The following CSMD3 variants were observed in gnomAD, a reference collection of about 807,000 sequenced individuals.
The protein encoded by CSMD3 is CUB and sushi domain-containing protein 3.
A neutral mutation model predicts 435.2 loss-of-function variants in CSMD3; 177 were observed. The ratio of observed to expected loss-of-function variants is 0.41; its 90% CI spans 0.36 to 0.46. The LOEUF (loss-of-function observed/expected upper bound fraction) is 0.46. CSMD3 is among the 20% of genes least tolerant of loss of function. The pLI is 0.34. For missense variants in CSMD3, 4,265 were observed against 4,504.6 expected (o/e 0.95, Z 1.52); for synonymous variants, 1,656 against 1,520.5 (o/e 1.09, Z -2.07).
rs1814809002 is a variant in CSMD3, at chr8:112,247,093, G to T, written c.10149C>A (p.His3383Gln). ...SVVQFHCKKG[H>Q]LLQGSTTRTC... Reference sequence around the variant, plus strand: ...TGCGTGTTGTAGACCCTTGGAGAAGGTGTCCTTTTTTGCAATGGAACTGTA... The same window carrying T: ...TGCGTGTTGTAGACCCTTGGAGAAGTTGTCCTTTTTTGCAATGGAACTGTA... The change falls in exon 64 of 71, where the codon CAC (histidine) becomes CAA (glutamine). Residue 3383 changes from histidine (H) to glutamine (Q), a missense_variant. Coordinates refer to ENST00000297405, the MANE Select transcript of CSMD3 (RefSeq NM_198123.2). The T allele has an allele frequency of 1.9e-6, 3 of 1,613,734 alleles. No individual in the cohort carries two copies. Among genetic ancestry groups the T allele is most frequent in the Non-Finnish European group, 2.5e-6 (3 of 1,179,830 alleles).
intron 15 of CSMD3, among the ~76,000 whole-genome samples, chr8:112,684,637 CT>C (rs2075972536): frequency 6.6e-6 from 1 of 151,866 alleles, no homozygotes; most frequent in African/African-American, 2.4e-5. Flanking sequence ...AGGTTTTTTT[CT>C]TTTTTATGTG....
intron 16 of CSMD3, among the ~76,000 whole-genome samples, chr8:112,671,072 A>AATTTT (rs1382311186): frequency 1.3e-5 from 2 of 152,146 alleles, no homozygotes; most frequent in Admixed American, 6.6e-5. Flanking sequence ...GAACTGGGAT[A>AATTTT]ATTTTAGCAA....
chr8:113,150,928 G>A (rs1588157751), intron 4 of CSMD3, among the ~76,000 whole-genome samples: 1 of 151,818 alleles, frequency 6.6e-6, no homozygotes, highest in Non-Finnish European at 1.5e-5. Flanking sequence ...AATAAGCACA[G>A]TCCATAGCAA....
chr8:112,867,688 G>T (rs994373056), intron 10 of CSMD3, among the ~76,000 whole-genome samples: 1 of 151,922 alleles, frequency 6.6e-6, no homozygotes, highest in Non-Finnish European at 1.5e-5. Flanking sequence ...TCTAAACAAA[G>T]AAAAGGTAAA....
At chr8:112,385,161 G>C (rs1829820619) in intron 36 of CSMD3, among the ~76,000 whole-genome samples, 1 of 152,130 alleles carries the variant, frequency 6.6e-6, no homozygotes, top group Non-Finnish European at 1.5e-5. Context: ...CTAAATACAA[G>C]AGAACTTAGA....
chr8:113,078,084 C>G (rs887427339), intron 5 of CSMD3, among the ~76,000 whole-genome samples: 4 of 152,104 alleles, frequency 2.6e-5, no homozygotes, highest in African/African-American at 9.7e-5. Flanking sequence ...CAAAATCAGG[C>G]TAAACAACAA....
chr8:112,963,619 T>C lies in CSMD3; in HGVS notation c.1343-8858A>G, dbSNP rs542982173. The stretch of plus-strand genomic sequence containing the variant: ...CAACTGTGCTGTTTTCTAGCAATTA[T>C]GTCTGTAAGAAACACAGAGATTCAC... On this transcript the variant is annotated intron_variant, in intron 7 of 70. Transcript: ENST00000297405. 4.1e-3 allele frequency among the ~76,000 whole-genome samples: 630 copies of C among 152,048 alleles called. 3 individuals carry two copies. The highest frequency in any genetic ancestry group is 5.6e-3 in the Non-Finnish European group (377 of 67,878).
chr8:113,219,795 A>AC lies in CSMD3; in HGVS notation c.515-45880dup, dbSNP rs566525593. On this transcript the variant is annotated intron_variant, in intron 3 of 70. Coordinates refer to ENST00000297405, the MANE Select transcript of CSMD3 (RefSeq NM_198123.2). ...CTACAATAAAATATGTATACATTTGACCACATAATAACAACAGGAAGCTTT... is the reference window on the plus strand; with the variant it reads ...CTACAATAAAATATGTATACATTTGACCCACATAATAACAACAGGAAGCTTT... 2.2e-3 allele frequency among the ~76,000 whole-genome samples: 331 copies of AC among 151,586 alleles called. 1 individual carries two copies. The highest frequency in any genetic ancestry group is 6.8e-3 in the Middle Eastern group (2 of 294).
chr8:112,642,493 A>C (rs1391933102), intron 20 of CSMD3, among the ~76,000 whole-genome samples: 1 of 152,188 alleles, frequency 6.6e-6, no homozygotes, highest in Non-Finnish European at 1.5e-5. Context: ...TACAGATGGT[A>C]CATATACATT....
At chr8:112,359,014 A>T (rs2131102292) in intron 38 of CSMD3, among the ~76,000 whole-genome samples, 1 of 152,332 alleles carries the variant, frequency 6.6e-6, no homozygotes, top group Middle Eastern at 3.4e-3. Flanking sequence ...TGAAAGCCTT[A>T]ACAAAATGTT....
Position 112,489,954 on chromosome 8 carries a change from A to C in CSMD3, c.5278+2535T>G, listed in dbSNP as rs186952467. Among the ~76,000 whole-genome samples, 302 of 152,298 alleles carry C rather than the reference A, an allele frequency of 2.0e-3. 1 individual carries two copies. Among genetic ancestry groups the C allele is most frequent in the African/African-American group, 6.8e-3 (281 of 41,570 alleles). ...CTCAACACCTGTTTTTCAGGAGTGAATGAATGTGTGTATTCACATCATAAT... is the reference window on the plus strand; with the variant it reads ...CTCAACACCTGTTTTTCAGGAGTGACTGAATGTGTGTATTCACATCATAAT... On this transcript the variant is annotated intron_variant, in intron 31 of 70. Transcript: ENST00000297405.
intron 3 of CSMD3, among the ~76,000 whole-genome samples, chr8:113,195,910 G>C (rs2092649863): frequency 6.8e-6 from 1 of 147,400 alleles, no homozygotes; most frequent in South Asian, 2.1e-4. Flanking sequence ...CCACCTTTTT[G>C]CCTTCACTTC....
At chr8:112,377,799 T>C (rs1308684443) in intron 38 of CSMD3, among the ~76,000 whole-genome samples, 1 of 152,096 alleles carries the variant, frequency 6.6e-6, no homozygotes, top group Non-Finnish European at 1.5e-5. Context: ...TGTGACACCA[T>C]TTCATTATTA....
intron 16 of CSMD3, among the ~76,000 whole-genome samples, chr8:112,674,463 G>C (rs1021288432): frequency 6.6e-6 from 1 of 152,032 alleles, no homozygotes; most frequent in African/African-American, 2.4e-5. Flanking sequence ...GCTTCTCACC[G>C]CACAATTCCC....
chr8:113,371,983 A>G (rs556289219), intron 1 of CSMD3, among the ~76,000 whole-genome samples: 1 of 152,290 alleles, frequency 6.6e-6, no homozygotes, highest in Non-Finnish European at 1.5e-5. Context: ...TTAGACTTAC[A>G]TGAGTATTAG....
At chr8:112,333,928 A>T (rs2130938424) in intron 45 of CSMD3, among the ~76,000 whole-genome samples, 1 of 152,338 alleles carries the variant, frequency 6.6e-6, no homozygotes, top group Admixed American at 6.5e-5. Context: ...TTTTTATCTT[A>T]ATGATTATGT....
intron 68 of CSMD3, among the ~76,000 whole-genome samples, chr8:112,232,073 G>A (rs1813140162): frequency 6.6e-6 from 1 of 152,146 alleles, no homozygotes. Context: ...TATGGAGTGT[G>A]GGGATTGGGA....
chr8:113,224,671 A>G (rs1302826444), intron 3 of CSMD3, among the ~76,000 whole-genome samples: 1 of 151,346 alleles, frequency 6.6e-6, no homozygotes, highest in Non-Finnish European at 1.5e-5. Flanking sequence ...TGGGTCCTTA[A>G]AAATAGAACA....
Position 112,685,529 on chromosome 8 carries a change from T to C in CSMD3, c.2359A>G (p.Ile787Val), listed in dbSNP as rs140218122. ...VKDGDSPESP[I>V]LGTFTGAEVP... ...TCAGCCCCAGTAAAGGTTCCAAGAA[T>C]TGGGGATTCTGGAGAGTCACCATCT... Residue 787 changes from isoleucine to valine, a missense_variant, in exon 15 of 71, where the codon ATT becomes GTT. Physicochemically the swap from Ile to Val is conservative, Grantham distance 29 (BLOSUM62 3). Coordinates refer to ENST00000297405, the MANE Select transcript of CSMD3 (RefSeq NM_198123.2). 15 of 1,613,818 alleles carry C rather than the reference T, an allele frequency of 9.3e-6. No homozygotes were observed. The highest frequency in any genetic ancestry group is 1.7e-5 in the Admixed American group (1 of 59,972).
Sources: allele counts gnomAD v4.1 joint callset (sites outside exome capture counted in the v4.1 genomes callset), GRCh38; gene constraint gnomAD v4.1.1; transcripts MANE v1.5; gene names NCBI Gene and HGNC (gene_info 2026-07-23, HGNC 2026-07-21).